Variants in SNX3 observed in about 807,000 individuals in gnomAD.
SNX3 encodes sorting nexin 3, also known as sorting nexin-3.
In SNX3, 5 loss-of-function variants were observed where a neutral mutation model predicts 17.7. That is an observed-to-expected ratio of 0.28 (90% CI 0.15 to 0.59). The LOEUF (loss-of-function observed/expected upper bound fraction) is 0.59, where lower values mean the gene tolerates loss of function less well. Ranked by LOEUF, SNX3 falls within the 20% of genes least tolerant of loss-of-function variation. SNX3 has a pLI of 0.88. For synonymous variants in SNX3, 91 were observed against 76.5 expected (o/e 1.19, Z -0.99); for missense variants, 132 against 206.8 (o/e 0.64, Z 2.22).
intron 1 of SNX3, among the ~76,000 whole-genome samples, chr6:108,236,059 T>G (rs1180941308): frequency 6.6e-6 from 1 of 152,276 alleles, no homozygotes; most frequent in South Asian, 2.1e-4. Context: ...CCTTCATAAT[T>G]TAGAAATCTG....
In SNX3 at chr6:108,260,952, TC is replaced by T; in HGVS notation, c.-32del. ...TGTAGCTGCTGCCGCCGCCGCGGGC[TC>T]CCTCCGCCCCCTCCGCGTTCAGCCG... On this transcript the variant is annotated 5_prime_UTR_variant, in exon 1 of 4. Transcript: ENST00000230085. The T allele has an allele frequency of 6.6e-7, 1 of 1,526,066 alleles. No individual in the cohort carries two copies. Among genetic ancestry groups the T allele is most frequent in the African/African-American group, 1.5e-5 (1 of 68,686 alleles). The allele number at this position is 1,526,066 out of a possible 1,614,324, so 94.5% of individuals were successfully genotyped here.
chr6:108,228,557 A>G (rs1028142804), intron 1 of SNX3, among the ~76,000 whole-genome samples: 1 of 151,874 alleles, frequency 6.6e-6, no homozygotes, highest in Non-Finnish European at 1.5e-5. Flanking sequence ...AAAAAAAAAA[A>G]ATTAGCTGGG....
At chr6:108,222,162 A>T in intron 2 of SNX3, 3 of 1,242,926 alleles carry the variant, frequency 2.4e-6, no homozygotes, top group Non-Finnish European at 3.1e-6. Flanking sequence ...CCCTTATTAA[A>T]CTTGAGAAAT....
intron 1 of SNX3, among the ~76,000 whole-genome samples, chr6:108,236,524 C>T (rs1045638903): frequency 6.6e-6 from 1 of 150,448 alleles, no homozygotes; most frequent in Non-Finnish European, 1.5e-5. Flanking sequence ...GCTGGGACTA[C>T]AGGCGCCCGC....
intron 1 of SNX3, among the ~76,000 whole-genome samples, chr6:108,225,580 G>A (rs1009766628): frequency 2.6e-5 from 4 of 151,506 alleles, no homozygotes; most frequent in Admixed American, 2.0e-4. Context: ...GCAGTGAGCC[G>A]AAGATCGCTC....
intron 1 of SNX3, among the ~76,000 whole-genome samples, chr6:108,258,949 T>C (rs1016746097): frequency 6.6e-6 from 1 of 152,048 alleles, no homozygotes; most frequent in Non-Finnish European, 1.5e-5. Flanking sequence ...GTGGAGGAAG[T>C]GTAGGCAGGA....
At chr6:108,250,554 T>C (rs1469953096) in intron 1 of SNX3, among the ~76,000 whole-genome samples, 3 of 152,228 alleles carry the variant, frequency 2.0e-5, no homozygotes, top group African/African-American at 7.2e-5. Context: ...GACCTGGTGA[T>C]ATACACATAC....
intron 1 of SNX3, among the ~76,000 whole-genome samples, chr6:108,242,212 A>AT (rs1775543280): frequency 6.6e-6 from 1 of 152,176 alleles, no homozygotes; most frequent in African/African-American, 2.4e-5. Context: ...ACTAACAAGC[A>AT]TATCAACACA....
At chr6:108,260,318 C>A (rs1353533282) in intron 1 of SNX3, among the ~76,000 whole-genome samples, 1 of 152,204 alleles carries the variant, frequency 6.6e-6, no homozygotes, top group Admixed American at 6.5e-5. Flanking sequence ...TCGGGAAGGG[C>A]CTGGAGCAGC....
intron 1 of SNX3, among the ~76,000 whole-genome samples, chr6:108,226,445 T>C (rs1774976917): frequency 6.6e-6 from 1 of 152,214 alleles, no homozygotes; most frequent in African/African-American, 2.4e-5. Flanking sequence ...TAATAACTAA[T>C]GCCATACCCT....
chr6:108,247,266 C>T (rs512627), intron 1 of SNX3, among the ~76,000 whole-genome samples: 28,660 of 151,984 alleles, frequency 0.19, 4,475 homozygotes, highest in African/African-American at 0.42. Context: ...ACAAATTACC[C>T]AGTCTCGGGT....
At chr6:108,221,635 T>A (rs1774777936) in intron 2 of SNX3, among the ~76,000 whole-genome samples, 1 of 137,676 alleles carries the variant, frequency 7.3e-6, no homozygotes, top group Admixed American at 8.2e-5. Flanking sequence ...AACCTCTGCC[T>A]CCTGGACTCA....
chr6:108,216,155 C>T (rs1002758102), intron 2 of SNX3, among the ~76,000 whole-genome samples: 7 of 152,126 alleles, frequency 4.6e-5, no homozygotes, highest in Non-Finnish European at 1.5e-5. Flanking sequence ...TGGCTCGCTG[C>T]AGCCTCCCCC....
chr6:108,259,877 TTTAAA>T (rs1776138027), intron 1 of SNX3, among the ~76,000 whole-genome samples: 1 of 152,268 alleles, frequency 6.6e-6, no homozygotes, highest in Non-Finnish European at 1.5e-5. Flanking sequence ...TGCTGTCATC[TTTAAA>T]TTAATGTAAT....
Position 108,248,264 on chromosome 6 carries a change from C to A in SNX3, c.162+12496G>T, listed in dbSNP as rs150785277. On this transcript the variant is annotated intron_variant, in intron 1 of 3. Transcript: ENST00000230085. ...ACTCTCCTTACCACCAGTTTGGAAG[C>A]TTCCAAAGGCTAGGCATATCTTATT... Among the ~76,000 whole-genome samples, 337 of 152,334 alleles carry A rather than the reference C, an allele frequency of 2.2e-3. 2 individuals are homozygous for A. Among genetic ancestry groups the A allele is most frequent in the Non-Finnish European group, 3.7e-3 (255 of 68,026 alleles).
At chr6:108,226,954 A>C (rs192242212) in intron 1 of SNX3, among the ~76,000 whole-genome samples, 11 of 152,318 alleles carry the variant, frequency 7.2e-5, no homozygotes, top group Admixed American at 6.5e-4. Context: ...GACTAAGGAA[A>C]AAATTGCACC....
chr6:108,248,896 G>A (rs1189077811), intron 1 of SNX3, among the ~76,000 whole-genome samples: 2 of 152,054 alleles, frequency 1.3e-5, no homozygotes, highest in Non-Finnish European at 2.9e-5. Flanking sequence ...GAGTAGCTGG[G>A]ACTACAGGTA....
intron 2 of SNX3, chr6:108,222,310 C>CTGAG: frequency 7.7e-7 from 1 of 1,304,094 alleles, no homozygotes; most frequent in Non-Finnish European, 1.0e-6. Context: ...TGATGTCATT[C>CTGAG]TGAGGCAGGG....
chr6:108,232,792 T>C (rs1775211255), intron 1 of SNX3, among the ~76,000 whole-genome samples: 1 of 152,216 alleles, frequency 6.6e-6, no homozygotes, highest in African/African-American at 2.4e-5. Context: ...AAAGATAAAC[T>C]GAGAAGTGCT....
Sources: gnomAD v4.1 joint callset for allele counts (sites outside exome capture counted in the v4.1 genomes callset) on GRCh38, gnomAD v4.1.1 for gene constraint, MANE v1.5 for transcripts, NCBI Gene and HGNC (gene_info 2026-07-23, HGNC 2026-07-21) for gene names.